Variants in UROC1 observed in about 807,000 individuals in gnomAD.
UROC1 encodes the protein urocanate hydratase 1.
A neutral mutation model predicts 89.5 loss-of-function variants in UROC1; 79 were observed. The ratio of observed to expected loss-of-function variants is 0.88; its 90% confidence interval spans 0.74 to 1.06. The LOEUF (loss-of-function observed/expected upper bound fraction) is 1.06, where lower values mean the gene tolerates loss of function less well. UROC1 is among the 50% of genes least tolerant of loss of function. The pLI, the probability that UROC1 is intolerant of heterozygous loss-of-function variation, is 0.00. For synonymous variants in UROC1, 361 were observed against 354.8 expected, an observed-to-expected ratio of 1.02 and a Z score of -0.20; for missense variants, 885 against 907.8, an observed-to-expected ratio of 0.97 and a Z score of 0.32.
At chr3:126,488,055 C>A in intron 18 of UROC1, 143 bp downstream of exon 18, 1 of 915,888 alleles carries the variant, frequency 1.1e-6, no homozygotes. Flanking sequence ...ACGCAAGGAA[C>A]ACATTTTCCA....
intron 16 of UROC1, among the ~76,000 whole-genome samples, 179 bp from the exon 17 acceptor site, chr3:126,489,554 G>A (rs994814567): frequency 4.6e-5 from 7 of 152,148 alleles, no homozygotes; most frequent in African/African-American, 1.4e-4. Context: ...ACGTGTGCCC[G>A]GCAGCACTCG....
In UROC1 at chr3:126,517,658, C is replaced by A. The variant is rs1284787601; in HGVS notation, c.62G>T (p.Gly21Val). 6.2e-7 allele frequency: 1 copy of A among 1,608,720 alleles called. No individual in the cohort carries two copies. Among genetic ancestry groups the A allele is most frequent in the East Asian group, 2.2e-5 (1 of 44,720 alleles). ...GGCATGGGGCACCCCAGCCTGGCGT[C>A]CCCGGTTCTCTGGGAGGGGCCGCAG... ...LPLRPLPENR[G>V]RQAGVPHAPV... The change falls in exon 1 of 20, where the codon GGA (glycine) becomes GTA (valine). Residue 21 changes from glycine to valine, a missense_variant. By Grantham distance (109) the Gly-to-Val change is moderately radical. Coordinates refer to ENST00000290868, the MANE Select transcript of UROC1 (RefSeq NM_144639.3).
At chr3:126,511,912 T>C (rs1936203522) in intron 1 of UROC1, among the ~76,000 whole-genome samples, 1 of 152,250 alleles carries the variant, frequency 6.6e-6, no homozygotes, top group Non-Finnish European at 1.5e-5. Context: ...TTATTCTATA[T>C]CAAGGGTTTT....
chr3:126,514,532 C>A (rs1576733604), intron 1 of UROC1, among the ~76,000 whole-genome samples: 1 of 152,094 alleles, frequency 6.6e-6, no homozygotes, highest in East Asian at 1.9e-4. Context: ...TAAAGACGAG[C>A]AAAGAATGAC....
chr3:126,495,039 G>C (rs1370634535), intron 15 of UROC1, among the ~76,000 whole-genome samples: 1 of 152,154 alleles, frequency 6.6e-6, no homozygotes, highest in Non-Finnish European at 1.5e-5. Flanking sequence ...CTGAGGATAC[G>C]GGAGGCTTCT....
chr3:126,501,761 G>T (rs1319171899), intron 9 of UROC1: 1 of 1,592,072 alleles, frequency 6.3e-7, no homozygotes, highest in South Asian at 1.1e-5. Flanking sequence ...GCACAGGGAA[G>T]GTGGTATGGT....
intron 15 of UROC1, 128 bp downstream of exon 15, chr3:126,495,910 T>G (rs1935764563): frequency 1.1e-6 from 1 of 879,032 alleles, no homozygotes; most frequent in Non-Finnish European, 1.8e-6. Flanking sequence ...ATCTTGTGTG[T>G]GCACCCTCTC....
chr3:126,509,799 G>T, intron 2 of UROC1, 121 bp from the exon 3 acceptor site: 1 of 943,838 alleles, frequency 1.1e-6, no homozygotes, highest in Non-Finnish European at 1.7e-6. Flanking sequence ...TGCAGAACTA[G>T]CTAGGAACGT....
Position 126,500,837 on chromosome 3 carries a change from ACT to A in UROC1, c.1001_1002del (p.Glu334ValfsTer144). On this transcript the variant is annotated frameshift_variant, in exon 11 of 20. Transcript: ENST00000290868. LOFTEE classifies it high-confidence loss of function. ...RLVHELDTTG[E>X]CLVDLGSDQT... ...TGATCTGACCCCAGGTCCACCAAGC[ACT>A]CCCCCGTCGTGTCCAATTCGTGGAC... 1 of 1,613,320 alleles carries A rather than the reference ACT, an allele frequency of 6.2e-7. No individual in the cohort carries two copies. The highest frequency in any genetic ancestry group is 1.7e-5 in the Admixed American group (1 of 59,964).
At position 126,517,548 on chromosome 3, in the gene UROC1, G is replaced by A. The variant is rs375225904; in HGVS notation, c.126+46C>T. 1.4e-4 allele frequency: 222 copies of A among 1,612,100 alleles called. 1 individual carries two copies. Among genetic ancestry groups the A allele is most frequent in the African/African-American group, 4.0e-5 (3 of 74,882 alleles). The stretch of plus-strand genomic sequence containing the variant: ...GGGTGCTCACTATGGACCACCTGGA[G>A]GATGCCTAGAGGCCAAGGCCTCGGG... On this transcript the variant is annotated intron_variant, in intron 1 of 19. Transcript: ENST00000290868.
chr3:126,498,215 T>C (rs768084789), intron 13 of UROC1, 43 bp from the exon 14 acceptor site: 3 of 1,613,342 alleles, frequency 1.9e-6, no homozygotes, highest in East Asian at 2.2e-5. Context: ...CGCTGGCTTG[T>C]TGGGGGAGGG....
intron 14 of UROC1, among the ~76,000 whole-genome samples, chr3:126,496,338 C>G (rs1398955478): frequency 1.3e-5 from 2 of 152,094 alleles, no homozygotes; most frequent in African/African-American, 2.4e-5. Context: ...GCCTGATGCA[C>G]TCGGTCCCTC....
chr3:126,482,111 G>C lies in UROC1; in HGVS notation c.*234C>G. 3 of 613,674 alleles carry C rather than the reference G, an allele frequency of 4.9e-6. No homozygotes were observed. The highest frequency in any genetic ancestry group is 4.0e-5 in the South Asian group (2 of 50,068). The allele number at this position is 613,674 out of a possible 1,614,324, so 38.0% of individuals were successfully genotyped here. On this transcript the variant is annotated 3_prime_UTR_variant, in exon 20 of 20. Coordinates refer to ENST00000290868, the MANE Select transcript of UROC1 (RefSeq NM_144639.3). Reference sequence around the variant, plus strand: ...CCTAAATGGACTTTGACAGCCTTCAGGGCTCCCATGCAAGTGGCATGGTTG... The same window carrying C: ...CCTAAATGGACTTTGACAGCCTTCACGGCTCCCATGCAAGTGGCATGGTTG...
intron 11 of UROC1, 130 bp downstream of exon 11, chr3:126,500,565 A>G: frequency 9.1e-7 from 1 of 1,097,596 alleles, no homozygotes; most frequent in Non-Finnish European, 1.4e-6. Flanking sequence ...GTGGAGGCAG[A>G]GGCTCAGAGA....
At chr3:126,509,906 A>G (rs567773787) in intron 2 of UROC1, among the ~76,000 whole-genome samples, 5 of 152,344 alleles carry the variant, frequency 3.3e-5, no homozygotes, top group African/African-American at 1.2e-4. Flanking sequence ...TCCACCTGGG[A>G]GACAGCTGCT....
intron 15 of UROC1, among the ~76,000 whole-genome samples, chr3:126,493,495 T>C (rs1935703113): frequency 6.6e-6 from 1 of 152,214 alleles, no homozygotes; most frequent in Non-Finnish European, 1.5e-5. Flanking sequence ...GAAGACATTA[T>C]GATAGGAGAA....
At chr3:126,506,069 CCCAG>C in intron 6 of UROC1, 58 bp from the exon 7 acceptor site, 1 of 1,597,076 alleles carries the variant, frequency 6.3e-7, no homozygotes, top group Non-Finnish European at 8.6e-7. Flanking sequence ...CCCAGGTCCT[CCCAG>C]CCACTCCTTT....
At position 126,517,752 on chromosome 3, in the gene UROC1, G is replaced by A. The variant is rs1279216193; in HGVS notation, c.-33C>T. The A allele has an allele frequency of 2.6e-6, 4 of 1,554,226 alleles. No homozygotes were observed. The highest frequency in any genetic ancestry group is 1.9e-5 in the Admixed American group (1 of 51,460). On this transcript the variant is annotated 5_prime_UTR_variant, in exon 1 of 20. Transcript: ENST00000290868. ...TGAGATGGAGGCAGAGGCCAGCACTGTGGGGAGGCCAGGAAGAGACTGGGC... is the reference window on the plus strand; with the variant it reads ...TGAGATGGAGGCAGAGGCCAGCACTATGGGGAGGCCAGGAAGAGACTGGGC...
At position 126,501,208 on chromosome 3, in the gene UROC1, C is replaced by T; in HGVS notation, c.965+10G>A. ...CCCAAGCTGGCCATCAACTCCCAAC[C>T]CCCACTCACCAAAGAGCCACCACGT... is the stretch of plus-strand genomic sequence containing the variant. On this transcript the variant is annotated intron_variant, in intron 10 of 19. Transcript: ENST00000290868. 6.2e-7 allele frequency: 1 copy of T among 1,614,102 alleles called. No homozygotes were observed. Among genetic ancestry groups the T allele is most frequent in the Non-Finnish European group, 8.5e-7 (1 of 1,179,962 alleles).
Sources: gnomAD v4.1 joint callset for allele counts (sites outside exome capture counted in the v4.1 genomes callset) on GRCh38, gnomAD v4.1.1 for gene constraint, MANE v1.5 for transcripts, NCBI Gene and HGNC (gene_info 2026-07-23, HGNC 2026-07-21) for gene names.